Variants in PSD3 observed in about 807,000 individuals in gnomAD.
PSD3 encodes pleckstrin and Sec7 domain containing 3.
A neutral mutation model predicts 105.5 loss-of-function variants in PSD3; 49 were observed. The ratio of observed to expected loss-of-function variants is 0.46; its 90% CI spans 0.37 to 0.59. PSD3 has a LOEUF of 0.59. PSD3 is among the 20% of genes least tolerant of loss of function. The pLI is 0.00. For missense variants in PSD3, 1,561 were observed against 1,263.8 expected (o/e 1.24, Z -3.57); for synonymous variants, 557 against 457.8 (o/e 1.22, Z -2.77).
chr8:18,849,391 C>A (rs1373595876), intron 4 of PSD3: 1 of 152,224 alleles, frequency 6.6e-6, no homozygotes, highest in Non-Finnish European at 1.5e-5. Flanking sequence ...GCATCAGACA[C>A]CTCAACTGCC....
At chr8:18,670,036 C>T (rs906609698) in intron 9 of PSD3, among the ~76,000 whole-genome samples, 11 of 152,062 alleles carry the variant, frequency 7.2e-5, no homozygotes, top group South Asian at 2.1e-4. Flanking sequence ...TAACAGATGA[C>T]GATAATTCTG....
intron 1 of PSD3, among the ~76,000 whole-genome samples, chr8:19,061,269 C>A (rs188927091): frequency 2.6e-3 from 396 of 152,160 alleles, no homozygotes; most frequent in African/African-American, 9.3e-3. Flanking sequence ...AAGATGAAGT[C>A]ATTCAGTTGG....
chr8:18,752,838 G>C (rs1250033774), intron 9 of PSD3, among the ~76,000 whole-genome samples: 1 of 149,642 alleles, frequency 6.7e-6, no homozygotes, highest in African/African-American at 2.5e-5. Context: ...GAAAGAGCAT[G>C]GAAATGAGGC....
intron 1 of PSD3, among the ~76,000 whole-genome samples, chr8:18,951,500 A>G (rs1017741563): frequency 1.3e-5 from 2 of 152,332 alleles, no homozygotes; most frequent in African/African-American, 2.4e-5. Context: ...CACCATTCCT[A>G]CAACACAAAC....
chr8:18,771,143 G>A (rs932913735), intron 8 of PSD3, among the ~76,000 whole-genome samples: 2 of 152,128 alleles, frequency 1.3e-5, no homozygotes, highest in Admixed American at 1.3e-4. Flanking sequence ...CTGAGGCTGG[G>A]GCTTTTATGG....
intron 9 of PSD3, among the ~76,000 whole-genome samples, chr8:18,704,534 C>T (rs1388247974): frequency 6.6e-6 from 1 of 152,114 alleles, no homozygotes. Context: ...GACAGGGTTT[C>T]CCCACGCTGG....
rs117946983 is a variant in PSD3 at position 18,946,304 on chromosome 8, C to T, written c.22-10162G>A. 3.2e-3 allele frequency among the ~76,000 whole-genome samples: 493 copies of T among 152,168 alleles called. 23 individuals are homozygous for T. The East Asian group carries it at 0.085, about 26-fold the overall frequency. On this transcript the variant is annotated intron_variant, in intron 1 of 15. Coordinates refer to ENST00000327040, the MANE Select transcript of PSD3 (RefSeq NM_015310.4). ...TTAAAAATATATTTGAGGCCAGGTG[C>T]GGTGGCTCATGCTGTAATCTCAATG...
intron 2 of PSD3, among the ~76,000 whole-genome samples, chr8:18,918,719 G>T (rs961868883): frequency 6.6e-6 from 1 of 152,084 alleles, no homozygotes; most frequent in Admixed American, 6.5e-5. Context: ...ATAATGTGTG[G>T]GTTTCCAGCT....
chr8:18,674,096 T>G (rs950886479), intron 9 of PSD3, among the ~76,000 whole-genome samples: 5 of 151,756 alleles, frequency 3.3e-5, no homozygotes, highest in Admixed American at 3.3e-4. Flanking sequence ...CAGTGAGCAG[T>G]GATCGTGCCA....
intron 4 of PSD3, among the ~76,000 whole-genome samples, chr8:18,819,771 G>A (rs1386405179): frequency 6.6e-6 from 1 of 151,960 alleles, no homozygotes; most frequent in Non-Finnish European, 1.5e-5. Context: ...TAGAGATGGG[G>A]TTTCACCGTG....
intron 4 of PSD3, among the ~76,000 whole-genome samples, chr8:18,844,086 G>C (rs1814878269): frequency 6.6e-6 from 1 of 151,818 alleles, no homozygotes. Flanking sequence ...TGGCTCTATG[G>C]GGTTCCAAAT....
intron 1 of PSD3, chr8:19,001,975 C>A: frequency 6.3e-6 from 1 of 159,524 alleles, no homozygotes; most frequent in South Asian, 2.0e-4. Context: ...CCCGGGTACC[C>A]TGCACTGGCT....
At chr8:18,750,495 A>T (rs1267064742) in intron 9 of PSD3, among the ~76,000 whole-genome samples, 1 of 152,114 alleles carries the variant, frequency 6.6e-6, no homozygotes, top group East Asian at 1.9e-4. Context: ...CAACTCATAA[A>T]AGCAGCGTGG....
intron 14 of PSD3, among the ~76,000 whole-genome samples, chr8:18,560,119 T>G (rs1041586719): frequency 2.6e-5 from 4 of 151,690 alleles, no homozygotes; most frequent in Non-Finnish European, 5.9e-5. Flanking sequence ...CGGACACAGC[T>G]TGACCATGCA....
rs753810304 is a variant in PSD3, at chr8:18,804,598, C to A, written c.1834G>T (p.Glu612Ter). 1 of 1,612,646 alleles carries A rather than the reference C, an allele frequency of 6.2e-7. No individual in the cohort carries two copies. Among genetic ancestry groups the A allele is most frequent in the African/African-American group, 1.3e-5 (1 of 75,008 alleles). Reference sequence around the variant, plus strand: ...TCTTCTGCAACTAGTTTGCTAAATTCGTTGCTATAAGAAAACAGAATAGAC... The same window carrying A: ...TCTTCTGCAACTAGTTTGCTAAATTAGTTGCTATAAGAAAACAGAATAGAC... Reference protein sequence around the residue: ...DVAKHLGKNNEFSKLVAEEYL... With the variant: ...DVAKHLGKNN The change falls in exon 6 of 16, where the codon GAA becomes TAA. Residue 612 changes from glutamate (E) to a stop codon, truncating the protein, a stop_gained. Transcript: ENST00000327040. LOFTEE classifies it high-confidence loss of function.
chr8:18,886,795 T>C (rs1310423802), intron 2 of PSD3: 1 of 152,148 alleles, frequency 6.6e-6, no homozygotes, highest in African/African-American at 2.4e-5. Flanking sequence ...CACACGGTGA[T>C]GGAAATGGAA....
At position 18,916,287 on chromosome 8, in the gene PSD3, T is replaced by TA. The variant is rs533872731; in HGVS notation, c.130+19746dup. 9.1e-3 allele frequency among the ~76,000 whole-genome samples: 1,094 copies of TA among 120,390 alleles called. 48 individuals carry two copies. The highest frequency in any genetic ancestry group is 0.033 in the African/African-American group (1,033 of 31,676). The allele number at this position is 120,390 out of a possible 152,430, so 79.0% of individuals were successfully genotyped here. On this transcript the variant is annotated intron_variant, in intron 2 of 15. Coordinates refer to ENST00000327040, the MANE Select transcript of PSD3 (RefSeq NM_015310.4). ...GTGTCTATGGATTGCTGAATGGATT[T>TA]AAAAAAAGTGATATATATATATATA...
At chr8:18,548,727 G>A (rs780312902) in intron 15 of PSD3, among the ~76,000 whole-genome samples, 7 of 152,158 alleles carry the variant, frequency 4.6e-5, no homozygotes, top group Non-Finnish European at 7.3e-5. Flanking sequence ...CTTGCTATCT[G>A]CAGTGCATGC....
intron 11 of PSD3, among the ~76,000 whole-genome samples, chr8:18,628,521 G>T (rs950400136): frequency 2.0e-5 from 3 of 151,810 alleles, no homozygotes; most frequent in Non-Finnish European, 4.4e-5. Flanking sequence ...TGAAAATAAA[G>T]ATATTTTCAC....
Sources: allele counts gnomAD v4.1 joint callset (sites outside exome capture counted in the v4.1 genomes callset), GRCh38; gene constraint gnomAD v4.1.1; transcripts MANE v1.5; gene names NCBI Gene and HGNC (gene_info 2026-07-23, HGNC 2026-07-21).